HEMK2: variants seen among roughly 807,000 people sequenced by gnomAD.
HEMK2 encodes the protein HemK methyltransferase 2, ETF1 glutamine and histone H4 lysine, also known as methyltransferase HEMK2.
At chr21:28,684,273 G>T in the HEMK2 span, among the ~76,000 whole-genome samples, 1 of 152,148 alleles carries the variant, frequency 6.6e-6, no homozygotes, top group African/African-American at 2.4e-5. Flanking sequence ...TTTAAAATCT[G>T]GAATGTTGTC....
the HEMK2 span, among the ~76,000 whole-genome samples, chr21:28,787,943 A>C: frequency 6.6e-6 from 1 of 152,078 alleles, no homozygotes; most frequent in Non-Finnish European, 1.5e-5. Context: ...CAACTCCAAA[A>C]TCAGGGAACC....
chr21:28,620,519 A>G, the HEMK2 span, among the ~76,000 whole-genome samples: 1 of 151,772 alleles, frequency 6.6e-6, no homozygotes. Flanking sequence ...CCAGGAATTT[A>G]TCCATTTCCT....
the HEMK2 span, among the ~76,000 whole-genome samples, chr21:28,881,695 G>C: frequency 1.4e-5 from 2 of 144,192 alleles, no homozygotes; most frequent in African/African-American, 5.2e-5. Flanking sequence ...GCAGTGGCAC[G>C]ATCATGGCTC....
the HEMK2 span, among the ~76,000 whole-genome samples, chr21:28,746,674 A>T: frequency 4.8e-4 from 6 of 12,480 alleles, no homozygotes; most frequent in African/African-American, 8.5e-4. Flanking sequence ...GGCCAATCTA[A>T]AAAAAAAAAA....
the HEMK2 span, among the ~76,000 whole-genome samples, chr21:28,733,196 G>A: frequency 1.3e-5 from 2 of 152,134 alleles, no homozygotes; most frequent in South Asian, 2.1e-4. Context: ...GGAGAATGGT[G>A]TGAACCCGGG....
At chr21:28,604,317 C>T in the HEMK2 span, among the ~76,000 whole-genome samples, 72 of 152,208 alleles carry the variant, frequency 4.7e-4, no homozygotes, top group South Asian at 3.1e-3. Context: ...ATGTAAATGA[C>T]GAGTTGATAG....
the HEMK2 span, among the ~76,000 whole-genome samples, chr21:28,780,652 G>A: frequency 6.6e-6 from 1 of 152,148 alleles, no homozygotes; most frequent in Non-Finnish European, 1.5e-5. Flanking sequence ...GATTCAAAGG[G>A]ACCACCATAA....
At chr21:28,839,066 C>T in the HEMK2 span, among the ~76,000 whole-genome samples, 1 of 135,848 alleles carries the variant, frequency 7.4e-6, no homozygotes, top group African/African-American at 2.8e-5. Context: ...GATGGTTTAA[C>T]ATATGTGAGT....
the HEMK2 span, among the ~76,000 whole-genome samples, chr21:28,779,632 T>C: frequency 6.6e-6 from 1 of 152,184 alleles, no homozygotes; most frequent in Non-Finnish European, 1.5e-5. Flanking sequence ...AAACATATAA[T>C]GGGTAAGTGA....
chr21:28,877,405 A>AAAAG, the HEMK2 span, among the ~76,000 whole-genome samples: 123,532 of 148,054 alleles, frequency 0.83, 52,310 homozygotes, highest in South Asian at 0.93. Context: ...AGGGAAGAAA[A>AAAAG]AAAAGAAGGA....
chr21:28,849,406 C>T, the HEMK2 span, among the ~76,000 whole-genome samples: 6 of 152,120 alleles, frequency 3.9e-5, no homozygotes, highest in East Asian at 1.9e-4. Flanking sequence ...ACTGAAGGAA[C>T]ATCAGGCCAC....
chr21:28,871,162 A>G, the HEMK2 span, among the ~76,000 whole-genome samples: 1 of 152,162 alleles, frequency 6.6e-6, no homozygotes, highest in African/African-American at 2.4e-5. Flanking sequence ...AACCTTTATC[A>G]TTCTTTAGTG....
the HEMK2 span, among the ~76,000 whole-genome samples, chr21:28,592,303 G>T: frequency 6.6e-6 from 1 of 152,142 alleles, no homozygotes; most frequent in African/African-American, 2.4e-5. Context: ...CATGATCAGC[G>T]ATGTTGAGGT....
chr21:28,853,814 C>T, the HEMK2 span, among the ~76,000 whole-genome samples: 3 of 152,190 alleles, frequency 2.0e-5, no homozygotes, highest in Non-Finnish European at 4.4e-5. Flanking sequence ...AGAGTTTACA[C>T]GCTCAATGTC....
chr21:28,696,295 G>C, the HEMK2 span, among the ~76,000 whole-genome samples: 6 of 152,164 alleles, frequency 3.9e-5, no homozygotes, highest in Non-Finnish European at 8.8e-5. Context: ...CCGGGGTACA[G>C]GCATTGGGTA....
chr21:28,716,183 A>C, the HEMK2 span, among the ~76,000 whole-genome samples: 63 of 152,266 alleles, frequency 4.1e-4, no homozygotes, highest in East Asian at 0.01. Context: ...TTATGTTGAT[A>C]GTTTGATAGG....
At chr21:28,783,566 T>C in the HEMK2 span, among the ~76,000 whole-genome samples, 9 of 152,250 alleles carry the variant, frequency 5.9e-5, no homozygotes, top group African/African-American at 1.9e-4. Flanking sequence ...AGAAATTATA[T>C]ACTTGTGGCA....
the HEMK2 span, among the ~76,000 whole-genome samples, chr21:28,625,639 A>G: frequency 6.6e-6 from 1 of 152,128 alleles, no homozygotes; most frequent in Non-Finnish European, 1.5e-5. Flanking sequence ...TGAATCCAGG[A>G]GGTGGAGGTT....
the HEMK2 span, among the ~76,000 whole-genome samples, chr21:28,670,675 C>T: frequency 7.2e-5 from 11 of 152,204 alleles, no homozygotes; most frequent in Non-Finnish European, 1.3e-4. Flanking sequence ...TTCCCTGAGA[C>T]TGGGTAATTT....
Sources: gnomAD v4.1 joint callset for allele counts (sites outside exome capture counted in the v4.1 genomes callset) on GRCh38, gnomAD v4.1.1 for gene constraint, MANE v1.5 for transcripts, NCBI Gene and HGNC (gene_info 2026-07-23, HGNC 2026-07-21) for gene names.